The following BCKDHB variants were observed in gnomAD, a reference collection of about 807,000 sequenced individuals.
BCKDHB encodes 2-oxoisovalerate dehydrogenase subunit beta, mitochondrial.
Under a neutral mutation model 48.5 loss-of-function variants are expected in BCKDHB, and 41 were observed. That is an observed-to-expected ratio of 0.85 (90% confidence interval 0.66 to 1.10). The LOEUF (loss-of-function observed/expected upper bound fraction) is 1.10. Among genes scored for constraint, BCKDHB ranks in the 50% least tolerant of loss-of-function variants. The pLI is 0.00. For synonymous variants in BCKDHB, 201 were observed against 174.8 expected (o/e 1.15, Z -1.18); for missense variants, 496 against 494.2 (o/e 1.00, Z -0.03).
chr6:80,258,385 C>T (rs1408093391), intron 8 of BCKDHB, among the ~76,000 whole-genome samples: 1 of 152,216 alleles, frequency 6.6e-6, no homozygotes. Context: ...ACTCCCCTTT[C>T]TGTTTAGAAG....
the BCKDHB span, among the ~76,000 whole-genome samples, chr6:80,373,465 T>A: frequency 3.3e-5 from 5 of 152,196 alleles, no homozygotes; most frequent in East Asian, 9.6e-4. Flanking sequence ...TTAGTTCTTC[T>A]AGGCTCTTTG....
intron 8 of BCKDHB, among the ~76,000 whole-genome samples, chr6:80,264,923 G>A (rs980177610): frequency 1.3e-5 from 2 of 152,058 alleles, no homozygotes; most frequent in Non-Finnish European, 2.9e-5. Context: ...ATTTGTCCAA[G>A]AAAGATATGC....
At chr6:80,366,428 A>T in the BCKDHB span, among the ~76,000 whole-genome samples, 3 of 152,216 alleles carry the variant, frequency 2.0e-5, no homozygotes, top group Non-Finnish European at 2.9e-5. Context: ...AGACATAGTC[A>T]GCAACATTTC....
intron 7 of BCKDHB, 115 bp downstream of exon 7, chr6:80,201,146 C>A: frequency 2.4e-6 from 2 of 834,922 alleles, no homozygotes; most frequent in South Asian, 1.4e-5. Flanking sequence ...CAGATTAAGT[C>A]TGGTGCTACT....
intron 1 of BCKDHB, chr6:80,127,276 A>G (rs1490690313): frequency 4.9e-6 from 2 of 404,814 alleles, no homozygotes; most frequent in Non-Finnish European, 9.3e-6. Flanking sequence ...CTTATTGTCT[A>G]CACGCATTTA....
At chr6:80,350,393 T>G (rs1044081992), downstream of BCKDHB, among the ~76,000 whole-genome samples, 12 of 87,970 alleles carry the variant, frequency 1.4e-4, no homozygotes, top group Middle Eastern at 5.5e-3. Context: ...AAATAGTGGG[T>G]TTTTTTTTTC....
the BCKDHB span, among the ~76,000 whole-genome samples, chr6:80,357,311 A>C: frequency 2.6e-5 from 4 of 152,134 alleles, no homozygotes; most frequent in Non-Finnish European, 5.9e-5. Context: ...AGGAGCTGCC[A>C]GATAAGAGAT....
chr6:80,258,176 T>TAAAAC (rs1168406816), intron 8 of BCKDHB, among the ~76,000 whole-genome samples: 1 of 152,196 alleles, frequency 6.6e-6, no homozygotes, highest in Non-Finnish European at 1.5e-5. Flanking sequence ...CTGTGTTGTT[T>TAAAAC]AAAACAAAAC....
At chr6:80,179,596 AACCAAACCCCCATGCATAC>A (rs1439187834) in intron 6 of BCKDHB, among the ~76,000 whole-genome samples, 1 of 152,156 alleles carries the variant, frequency 6.6e-6, no homozygotes, top group Admixed American at 6.5e-5. Flanking sequence ...AGAAGTCCTG[AACCAAACCCCCATGCATAC>A]CAAGGGATGA....
At chr6:80,278,056 T>G (rs1383292750) in intron 9 of BCKDHB, among the ~76,000 whole-genome samples, 8 of 152,184 alleles carry the variant, frequency 5.3e-5, no homozygotes, top group Non-Finnish European at 1.5e-5. Context: ...TATAGGGTCT[T>G]GAATTTTTAC....
intron 8 of BCKDHB, among the ~76,000 whole-genome samples, chr6:80,264,061 A>G (rs1777412023): frequency 6.6e-6 from 1 of 152,194 alleles, no homozygotes; most frequent in South Asian, 2.1e-4. Context: ...AATTCTAGAA[A>G]AACTTGTTTC....
chr6:80,417,028 G>T, the BCKDHB span, among the ~76,000 whole-genome samples: 1 of 152,062 alleles, frequency 6.6e-6, no homozygotes, highest in Admixed American at 6.6e-5. Flanking sequence ...TTATGAATCT[G>T]GGTGCTCCTG....
the BCKDHB span, among the ~76,000 whole-genome samples, chr6:80,463,485 A>G: frequency 1.3e-5 from 2 of 152,198 alleles, no homozygotes; most frequent in Admixed American, 1.3e-4. Context: ...TATGAGAGTG[A>G]AATTTATCTC....
At chr6:80,239,631 C>A (rs1225317926) in intron 8 of BCKDHB, among the ~76,000 whole-genome samples, 1 of 152,130 alleles carries the variant, frequency 6.6e-6, no homozygotes, top group Admixed American at 6.5e-5. Flanking sequence ...ACAATTTTGG[C>A]TTTTGTTACC....
chr6:80,203,220 T>A lies in BCKDHB; in HGVS notation c.951+8T>A, dbSNP rs749433792. On this transcript the variant is annotated splice_region_variant and intron_variant, in intron 8 of 9. Coordinates refer to ENST00000320393, the MANE Select transcript of BCKDHB (RefSeq NM_183050.4). ...GTGGACACAATTTGTAAGGTATGAA[T>A]ATAATGGTGATAGAATGTCATTTCC... 5 of 1,541,902 alleles carry A rather than the reference T, an allele frequency of 3.2e-6. No individual in the cohort carries two copies. The highest frequency in any genetic ancestry group is 4.5e-6 in the Non-Finnish European group (5 of 1,114,544).
intron 8 of BCKDHB, among the ~76,000 whole-genome samples, chr6:80,265,744 C>T (rs1003368806): frequency 1.3e-5 from 2 of 151,930 alleles, no homozygotes; most frequent in African/African-American, 2.4e-5. Flanking sequence ...GTAATTATAA[C>T]CTGAATGCTA....
chr6:80,232,327 A>G (rs914702956), intron 8 of BCKDHB, among the ~76,000 whole-genome samples: 8 of 151,872 alleles, frequency 5.3e-5, no homozygotes, highest in African/African-American at 1.9e-4. Context: ...GAGAGCTAAA[A>G]TCGATCAAGA....
chr6:80,391,168 C>CAT, the BCKDHB span, among the ~76,000 whole-genome samples: 4 of 146,040 alleles, frequency 2.7e-5, no homozygotes, highest in African/African-American at 1.0e-4. Flanking sequence ...TTAATAAATG[C>CAT]ATATATATAT....
chr6:80,306,544 A>C (rs559920394), intron 9 of BCKDHB, among the ~76,000 whole-genome samples: 66 of 152,324 alleles, frequency 4.3e-4, no homozygotes, highest in African/African-American at 1.5e-3. Context: ...TGGACACATA[A>C]ACATATAAGC....
Sources: gnomAD v4.1 joint callset for allele counts (sites outside exome capture counted in the v4.1 genomes callset) on GRCh38, gnomAD v4.1.1 for gene constraint, MANE v1.5 for transcripts, NCBI Gene and HGNC (gene_info 2026-07-23, HGNC 2026-07-21) for gene names.